The following DCTN5 variants were observed in gnomAD, a reference collection of about 807,000 sequenced individuals.
DCTN5 encodes dynactin 4.
Under a neutral mutation model 23.5 loss-of-function variants are expected in DCTN5, and 14 were observed. That is an observed-to-expected ratio of 0.60 (90% CI 0.39 to 0.93). The LOEUF (loss-of-function observed/expected upper bound fraction) is 0.93, where lower values mean the gene tolerates loss of function less well. Among genes scored for constraint, DCTN5 ranks in the 40% least tolerant of loss-of-function variants. DCTN5 has a pLI of 0.00. For synonymous variants in DCTN5, 67 were observed against 79.6 expected (o/e 0.84, Z 0.84); for missense variants, 156 against 225.9 (o/e 0.69, Z 1.98).
intron 2 of DCTN5, among the ~76,000 whole-genome samples, chr16:23,650,392 T>G (rs1389018454): frequency 6.6e-6 from 1 of 152,078 alleles, no homozygotes; most frequent in Admixed American, 6.6e-5. Flanking sequence ...TGGTGCGATC[T>G]TGACTCACTG....
chr16:23,675,791 T>G lies in DCTN5; in HGVS notation c.*8647T>G, dbSNP rs1279604637. 1 of 152,182 alleles carries G rather than the reference T, an allele frequency of 6.6e-6. No individual in the cohort carries two copies. The highest frequency in any genetic ancestry group is 1.5e-5 in the Non-Finnish European group (1 of 68,030). The allele number at this position is 152,182 out of a possible 1,614,324, so 9.4% of individuals were successfully genotyped here. ...GACTGACAACAGAGTGGGTCTAGCT[T>G]CTATGCTTTCCATGAAGATCTCCCA... On this transcript the variant is annotated 3_prime_UTR_variant, in exon 6 of 6. Coordinates refer to ENST00000300087, the MANE Select transcript of DCTN5 (RefSeq NM_032486.4).
intron 3 of DCTN5, among the ~76,000 whole-genome samples, chr16:23,660,881 A>G (rs1967796770): frequency 6.6e-6 from 1 of 152,242 alleles, no homozygotes; most frequent in Admixed American, 6.5e-5. Context: ...GAATGAACAA[A>G]CGTTCATTGA....
chr16:23,661,171 G>T lies in DCTN5; in HGVS notation c.238G>T (p.Val80Phe). The part of the protein sequence containing the change: ...RPPFKKFSKG[V>F]AFFPLHIGDH... Reference sequence around the variant, plus strand: ...GTTCATCTTCTTTTCCTCTTCTAGTGTTGCATTCTTTCCTTTACATATTGG... The same window carrying T: ...GTTCATCTTCTTTTCCTCTTCTAGTTTTGCATTCTTTCCTTTACATATTGG... The change falls in exon 4 of 6, where the codon GTT (valine) becomes TTT (phenylalanine). Residue 80 changes from valine (V) to phenylalanine (F), a missense_variant and splice_region_variant. Val to Phe is a conservative substitution (Grantham distance 50). This residue lies in a region of DCTN5 where 153 missense variants were observed against 206.8 expected (regional missense o/e 0.74). Transcript: ENST00000300087. 3.1e-6 allele frequency: 5 copies of T among 1,607,470 alleles called. No individual in the cohort carries two copies. Among genetic ancestry groups the T allele is most frequent in the Non-Finnish European group, 4.3e-6 (5 of 1,175,208 alleles).
chr16:23,670,964 A>T lies in DCTN5; in HGVS notation c.*3820A>T, dbSNP rs889094602. The T allele has an allele frequency of 6.6e-6, 1 of 152,164 alleles. No homozygotes were observed. Among genetic ancestry groups the T allele is most frequent in the African/African-American group, 2.4e-5 (1 of 41,424 alleles). The allele number at this position is 152,164 out of a possible 1,614,324, so 9.4% of individuals were successfully genotyped here. A position where few individuals can be genotyped will look rare whatever the true frequency, so the allele number is the denominator to read the frequency against. ...GCCAAGCACTTCCTAGGTCCTGGGG[A>T]TACAGTGGAGACTAAGATGGAGCCA... On this transcript the variant is annotated 3_prime_UTR_variant, in exon 6 of 6. Transcript: ENST00000300087.
chr16:23,665,259 C>T (rs188922492), intron 4 of DCTN5, among the ~76,000 whole-genome samples: 6 of 152,032 alleles, frequency 3.9e-5, no homozygotes, highest in East Asian at 3.9e-4. Flanking sequence ...GGAGGGTTAC[C>T]GAGGAAAATA....
chr16:23,653,091 G>T (rs759804423), intron 2 of DCTN5, among the ~76,000 whole-genome samples: 1 of 152,152 alleles, frequency 6.6e-6, no homozygotes. Flanking sequence ...GCAGTGAGCC[G>T]TGATGGCACC....
At chr16:23,641,674 C>T in intron 1 of DCTN5, 84 bp downstream of exon 1, 1 of 1,380,118 alleles carries the variant, frequency 7.2e-7, no homozygotes, top group Non-Finnish European at 1.0e-6. Context: ...CTGCCCCTAC[C>T]CCACCAACCC....
chr16:23,644,355 C>T (rs544547319), intron 2 of DCTN5, among the ~76,000 whole-genome samples: 1 of 140,692 alleles, frequency 7.1e-6, no homozygotes, highest in Non-Finnish European at 1.5e-5. Flanking sequence ...GGTTGGAGTG[C>T]AGTGGTGCGA....
chr16:23,641,959 G>A (rs546273458), intron 1 of DCTN5, among the ~76,000 whole-genome samples: 4 of 151,934 alleles, frequency 2.6e-5, no homozygotes, highest in Admixed American at 1.3e-4. Context: ...GTTGGGGGGC[G>A]GAGACTCTGT....
Position 23,667,333 on chromosome 16 carries a change from A to G in DCTN5, c.*189A>G, listed in dbSNP as rs1444014681. On this transcript the variant is annotated 3_prime_UTR_variant, in exon 6 of 6. Transcript: ENST00000300087. ...TTAAGAATTCACTAACAGACAGACC[A>G]TCTGGAGGAGCTGTCTTCAAATGCT... 4.6e-6 allele frequency: 3 copies of G among 648,464 alleles called. No individual in the cohort carries two copies. The highest frequency in any genetic ancestry group is 5.5e-5 in the East Asian group (2 of 36,060). 40.2% of individuals were successfully genotyped at this position (648,464 alleles called of 1,614,324 possible). A position where few individuals can be genotyped will look rare whatever the true frequency, so the allele number is the denominator to read the frequency against.
intron 4 of DCTN5, among the ~76,000 whole-genome samples, chr16:23,662,259 T>C (rs1967827269): frequency 1.3e-5 from 2 of 152,106 alleles, no homozygotes; most frequent in African/African-American, 2.4e-5. Context: ...AGGAAAGAGA[T>C]TCACATGCGT....
intron 2 of DCTN5, among the ~76,000 whole-genome samples, chr16:23,644,998 T>A (rs1967394802): frequency 1.4e-5 from 2 of 145,334 alleles, no homozygotes; most frequent in South Asian, 2.2e-4. Flanking sequence ...CAGGCTGGTC[T>A]CAAACTCTTG....
At chr16:23,665,908 T>C in intron 5 of DCTN5, 180 bp downstream of exon 5, 1 of 596,962 alleles carries the variant, frequency 1.7e-6, no homozygotes, top group Non-Finnish European at 2.9e-6. Context: ...TCTGTTTAAA[T>C]GCATAATTGG....
intron 1 of DCTN5, among the ~76,000 whole-genome samples, 173 bp downstream of exon 1, chr16:23,641,763 G>A (rs1472033627): frequency 1.3e-5 from 2 of 152,002 alleles, no homozygotes; most frequent in African/African-American, 2.4e-5. Flanking sequence ...CTCCGCGCTT[G>A]GCCAGTTGAG....
rs531694708 is a variant in DCTN5 at position 23,670,017 on chromosome 16, C to G, written c.*2873C>G. ...TGTACCTGTGTTCTTGTCTGAACCC[C>G]TACTAACTGTGAGCTCCTGAGGAGT... is the stretch of plus-strand genomic sequence containing the variant. On this transcript the variant is annotated 3_prime_UTR_variant, in exon 6 of 6. Transcript: ENST00000300087. 1 of 152,298 alleles carries G rather than the reference C, an allele frequency of 6.6e-6. No homozygotes were observed. Among genetic ancestry groups the G allele is most frequent in the South Asian group, 2.1e-4 (1 of 4,822 alleles). The allele number at this position is 152,298 out of a possible 1,614,324, so 9.4% of individuals were successfully genotyped here. A position where few individuals can be genotyped will look rare whatever the true frequency, so the allele number is the denominator to read the frequency against.
In DCTN5 at chr16:23,651,285, CCTT is replaced by C. The variant is rs549256636; in HGVS notation, c.118-7218_118-7216del. On this transcript the variant is annotated intron_variant, in intron 2 of 5. Coordinates refer to ENST00000300087, the MANE Select transcript of DCTN5 (RefSeq NM_032486.4). ...CATTTGCTTCTCTGAAGGGCAGCCACCTTCTTTCTTTTTAACACCCCGTTACCT... is the reference window on the plus strand; with the variant it reads ...CATTTGCTTCTCTGAAGGGCAGCCACCTTTCTTTTTAACACCCCGTTACCT... The C allele has an allele frequency of 1.8e-4, 144 of 803,464 alleles. No individual in the cohort carries two copies. The Middle Eastern group carries it at 1.9e-3, about 11-fold the overall frequency. The allele number at this position is 803,464 out of a possible 1,614,324, so 49.8% of individuals were successfully genotyped here. A position where few individuals can be genotyped will look rare whatever the true frequency, so the allele number is the denominator to read the frequency against.
At position 23,669,467 on chromosome 16, in the gene DCTN5, G is replaced by A. The variant is rs1164345705; in HGVS notation, c.*2323G>A. On this transcript the variant is annotated 3_prime_UTR_variant, in exon 6 of 6. Transcript: ENST00000300087. Reference sequence around the variant, plus strand: ...GAACTGCTGGATTTGGTTCTCATTGGTCCAGACGAGGAAGGTATCCAGCCT... The same window carrying A: ...GAACTGCTGGATTTGGTTCTCATTGATCCAGACGAGGAAGGTATCCAGCCT... The A allele has an allele frequency of 6.6e-6, 1 of 152,332 alleles. No homozygotes were observed. The highest frequency in any genetic ancestry group is 2.4e-5 in the African/African-American group (1 of 41,416). 9.4% of individuals were successfully genotyped at this position (152,332 alleles called of 1,614,324 possible). A position where few individuals can be genotyped will look rare whatever the true frequency, so the allele number is the denominator to read the frequency against.
At position 23,671,846 on chromosome 16, in the gene DCTN5, A is replaced by G. The variant is rs764392757; in HGVS notation, c.*4702A>G. On this transcript the variant is annotated 3_prime_UTR_variant, in exon 6 of 6. Coordinates refer to ENST00000300087, the MANE Select transcript of DCTN5 (RefSeq NM_032486.4). ...CACAGGACATCTTACTTCCCTGAAA[A>G]CAGTACCTGGACTTTTCTGTATCTT... 1.3e-5 allele frequency: 2 copies of G among 152,204 alleles called. No homozygotes were observed. The highest frequency in any genetic ancestry group is 4.8e-5 in the African/African-American group (2 of 41,442). 9.4% of individuals were successfully genotyped at this position (152,204 alleles called of 1,614,324 possible).
intron 2 of DCTN5, 26 bp downstream of exon 2, chr16:23,643,049 T>C (rs56737329): frequency 0.025 from 40,297 of 1,608,048 alleles, 1,567 homozygotes; most frequent in African/African-American, 0.16. Context: ...AGCTCCAGGC[T>C]GCAAACCTTA....
Sources: gnomAD v4.1 joint callset for allele counts (sites outside exome capture counted in the v4.1 genomes callset) on GRCh38, gnomAD v4.1.1 for gene constraint, gnomAD v4.1.1 regional missense constraint, MANE v1.5 for transcripts, NCBI Gene and HGNC (gene_info 2026-07-23, HGNC 2026-07-21) for gene names.